The following ELAPOR2 variants were observed in gnomAD, a reference collection of about 807,000 sequenced individuals.
The protein encoded by ELAPOR2 is endosome-lysosome associated apoptosis and autophagy regulator family member 2, also known as endosome/lysosome-associated apoptosis and autophagy regulator family member 2.
In ELAPOR2, 89 loss-of-function variants were observed where a neutral mutation model predicts 120.7. The observed-to-expected ratio is 0.74, with a 90% CI of 0.62 to 0.88. The LOEUF is 0.88. ELAPOR2 is among the 40% of genes least tolerant of loss of function. The probability of loss-of-function intolerance (pLI) is 0.00; values close to 1 mark genes in which losing one functional copy is unlikely to be tolerated. For missense variants in ELAPOR2, 1,134 were observed against 1,251.6 expected (o/e 0.91, Z 1.42); for synonymous variants, 444 against 444.9 (o/e 1.00, Z 0.03).
At chr7:86,929,269 T>C (rs79114840) in intron 8 of ELAPOR2, among the ~76,000 whole-genome samples, 8,085 of 152,050 alleles carry the variant, frequency 0.053, 736 homozygotes, top group African/African-American at 0.18. Context: ...GTTGTCTGAT[T>C]TATTTCAGTT....
chr7:86,928,851 G>C (rs1790197534), intron 8 of ELAPOR2, among the ~76,000 whole-genome samples: 1 of 151,792 alleles, frequency 6.6e-6, no homozygotes, highest in Admixed American at 6.6e-5. Flanking sequence ...TATTTACAAA[G>C]CCTCTTGTTT....
intron 1 of ELAPOR2, among the ~76,000 whole-genome samples, chr7:86,988,319 A>G (rs185566316): frequency 1.8e-4 from 27 of 152,338 alleles, no homozygotes; most frequent in African/African-American, 6.5e-4. Flanking sequence ...CGTTGTGCAC[A>G]TGTACCCTAG....
chr7:86,995,893 A>G (rs1230394243), intron 1 of ELAPOR2, among the ~76,000 whole-genome samples: 1 of 152,214 alleles, frequency 6.6e-6, no homozygotes, highest in Non-Finnish European at 1.5e-5. Flanking sequence ...TATGATTTAC[A>G]TGTATTATCA....
rs550056979 is a variant in ELAPOR2, at chr7:86,925,648, G to A, written c.1279C>T (p.Pro427Ser). ...TFSDGTKECR[P>S]CPAGTEPALG... The stretch of plus-strand genomic sequence containing the variant: ...GCAGGCTCCGTTCCTGCTGGACATG[G>A]TCTACATTCTACAGGAGACAAGTAG... Residue 427 changes from proline (P) to serine (S), a missense_variant, in exon 10 of 22, where the codon CCA (proline) becomes TCA (serine). Pro to Ser is a moderately conservative substitution (Grantham distance 74). Transcript: ENST00000450689. 100 of 1,611,530 alleles carry A rather than the reference G, an allele frequency of 6.2e-5. No homozygotes were observed. The Middle Eastern group carries it at 1.5e-3, about 24-fold the overall frequency.
intron 21 of ELAPOR2, among the ~76,000 whole-genome samples, chr7:86,886,148 G>A (rs1203513178): frequency 1.3e-5 from 2 of 152,088 alleles, no homozygotes; most frequent in Non-Finnish European, 2.9e-5. Flanking sequence ...AACATTCAGG[G>A]ACCTGCTACC....
chr7:86,904,964 A>G (rs1788901798), intron 18 of ELAPOR2, among the ~76,000 whole-genome samples: 1 of 152,008 alleles, frequency 6.6e-6, no homozygotes, highest in Non-Finnish European at 1.5e-5. Flanking sequence ...TTCTCAAGGC[A>G]AGTGTCTGGT....
At chr7:87,042,377 C>G (rs1794814951) in intron 1 of ELAPOR2, among the ~76,000 whole-genome samples, 1 of 150,918 alleles carries the variant, frequency 6.6e-6, no homozygotes, top group Non-Finnish European at 1.5e-5. Flanking sequence ...CTCTCCTCAG[C>G]AAATGTAAAA....
chr7:86,956,792 G>A (rs908690504), intron 2 of ELAPOR2, among the ~76,000 whole-genome samples: 1 of 152,158 alleles, frequency 6.6e-6, no homozygotes, highest in African/African-American at 2.4e-5. Context: ...ACAGAAAAAA[G>A]ACAATAGTGA....
chr7:86,904,922 CCTT>C (rs1788899644), intron 18 of ELAPOR2, among the ~76,000 whole-genome samples: 1 of 152,090 alleles, frequency 6.6e-6, no homozygotes, highest in Non-Finnish European at 1.5e-5. Context: ...ACCAAAGTCT[CCTT>C]CTGAGACTTT....
intron 1 of ELAPOR2, among the ~76,000 whole-genome samples, chr7:87,006,079 T>C (rs1467726497): frequency 6.6e-6 from 1 of 152,114 alleles, no homozygotes; most frequent in African/African-American, 2.4e-5. Flanking sequence ...AATTAAAAAT[T>C]GGCTTTTTGT....
At chr7:87,026,037 C>T (rs2116716068) in intron 1 of ELAPOR2, among the ~76,000 whole-genome samples, 1 of 152,214 alleles carries the variant, frequency 6.6e-6, no homozygotes. Flanking sequence ...AAAATCAAGA[C>T]CTACGCATAT....
At chr7:86,945,305 C>T (rs1790954590) in intron 3 of ELAPOR2, among the ~76,000 whole-genome samples, 1 of 152,040 alleles carries the variant, frequency 6.6e-6, no homozygotes, top group African/African-American at 2.4e-5. Context: ...ATTTGATTAC[C>T]AAATAGATGA....
chr7:87,030,138 T>C (rs1317856388), intron 1 of ELAPOR2, among the ~76,000 whole-genome samples: 2 of 152,150 alleles, frequency 1.3e-5, no homozygotes, highest in African/African-American at 4.8e-5. Context: ...TTAGCCTGCC[T>C]CTGTCATAGA....
intron 1 of ELAPOR2, among the ~76,000 whole-genome samples, chr7:86,983,147 A>G (rs1369423283): frequency 4.6e-5 from 7 of 152,216 alleles, no homozygotes; most frequent in Admixed American, 4.6e-4. Flanking sequence ...AAAAAGAGTA[A>G]AAAGAAATGA....
At chr7:86,957,543 T>C (rs1311402305) in intron 2 of ELAPOR2, among the ~76,000 whole-genome samples, 1 of 152,108 alleles carries the variant, frequency 6.6e-6, no homozygotes, top group African/African-American at 2.4e-5. Flanking sequence ...AATTAAACAA[T>C]GAAAACATAT....
chr7:86,939,436 A>G (rs1331915721), intron 6 of ELAPOR2, among the ~76,000 whole-genome samples: 3 of 152,238 alleles, frequency 2.0e-5, no homozygotes, highest in East Asian at 1.9e-4. Flanking sequence ...GTTCACAGGA[A>G]CAAGCCCACA....
At chr7:86,978,787 C>G (rs1792364008) in intron 1 of ELAPOR2, among the ~76,000 whole-genome samples, 1 of 152,168 alleles carries the variant, frequency 6.6e-6, no homozygotes, top group Non-Finnish European at 1.5e-5. Flanking sequence ...AATAAATATA[C>G]ATGGTAATAT....
intron 1 of ELAPOR2, among the ~76,000 whole-genome samples, chr7:86,993,933 A>T (rs1793037142): frequency 6.6e-6 from 1 of 152,232 alleles, no homozygotes; most frequent in Admixed American, 6.5e-5. Flanking sequence ...AACCTATTCA[A>T]TACCTCTCCT....
At chr7:86,912,790 A>C in intron 14 of ELAPOR2, 151 bp downstream of exon 14, 1 of 882,624 alleles carries the variant, frequency 1.1e-6, no homozygotes, top group Admixed American at 2.8e-5. Flanking sequence ...TAATAAACGC[A>C]AGAAGGGAGA....
Sources: allele counts gnomAD v4.1 joint callset (sites outside exome capture counted in the v4.1 genomes callset), GRCh38; gene constraint gnomAD v4.1.1; transcripts MANE v1.5; gene names NCBI Gene and HGNC (gene_info 2026-07-23, HGNC 2026-07-21).